GALNT13: variants seen among roughly 807,000 people sequenced by gnomAD.
GALNT13 encodes the protein polypeptide N-acetylgalactosaminyltransferase 13, also known as UDP-GalNAc:polypeptide N-acetylgalactosaminyltransferase 13.
A neutral mutation model predicts 64.2 loss-of-function variants in GALNT13; 28 were observed. That is an observed-to-expected ratio of 0.44 (90% CI 0.32 to 0.60). The LOEUF (loss-of-function observed/expected upper bound fraction) is 0.60, where lower values mean the gene tolerates loss of function less well. GALNT13 is among the 20% of genes least tolerant of loss of function. The pLI, the probability that GALNT13 is intolerant of heterozygous loss-of-function variation, is 0.05. For missense variants in GALNT13, 577 were observed against 669.8 expected, an observed-to-expected ratio of 0.86 and a Z score of 1.53; for synonymous variants, 214 against 224.6, an observed-to-expected ratio of 0.95 and a Z score of 0.42.
the GALNT13 span, among the ~76,000 whole-genome samples, chr2:153,271,387 A>T: frequency 1.8e-3 from 273 of 152,302 alleles, no homozygotes; most frequent in Middle Eastern, 6.8e-3. Context: ...TCACAGCCTC[A>T]AATCTCCTTA....
chr2:154,394,547 C>A (rs1698968426), intron 9 of GALNT13, among the ~76,000 whole-genome samples: 1 of 152,032 alleles, frequency 6.6e-6, no homozygotes. Context: ...GTTTTGCCTC[C>A]CCACCAGGCA....
At chr2:153,615,025 T>C in the GALNT13 span, among the ~76,000 whole-genome samples, 1 of 152,168 alleles carries the variant, frequency 6.6e-6, no homozygotes, top group South Asian at 2.1e-4. Context: ...GCAACACCTT[T>C]TCACCATCAA....
chr2:153,377,428 T>C, the GALNT13 span, among the ~76,000 whole-genome samples: 1 of 152,094 alleles, frequency 6.6e-6, no homozygotes, highest in Admixed American at 6.6e-5. Context: ...AGAGGTGTTT[T>C]GGTCATGAGG....
At chr2:154,080,586 G>A (rs1463634637) in intron 3 of GALNT13, among the ~76,000 whole-genome samples, 2 of 151,310 alleles carry the variant, frequency 1.3e-5, no homozygotes, top group African/African-American at 4.8e-5. Flanking sequence ...GGAAGAGCGT[G>A]CACTTGATTT....
At chr2:154,118,080 G>A (rs1393716936) in intron 3 of GALNT13, among the ~76,000 whole-genome samples, 1 of 152,064 alleles carries the variant, frequency 6.6e-6, no homozygotes, top group Non-Finnish European at 1.5e-5. Flanking sequence ...TTAATTTTCT[G>A]TTTATAAGTA....
intron 3 of GALNT13, among the ~76,000 whole-genome samples, chr2:153,963,731 CTGTGTGTGTGTGTGTGTGTGTGTGTG>C (rs58455059): frequency 1.1e-4 from 11 of 100,852 alleles, no homozygotes; most frequent in African/African-American, 3.2e-4. Flanking sequence ...CTCTCTCTCT[CTGTGTGTGTGTGTGTGTGTGTGTGTG>C]TGTGTGTGTG....
chr2:153,629,674 G>GC, the GALNT13 span, among the ~76,000 whole-genome samples: 1 of 151,940 alleles, frequency 6.6e-6, no homozygotes, highest in African/African-American at 2.4e-5. Context: ...AAGAGCTTCT[G>GC]CACAGCAAAA....
At chr2:153,418,257 C>T in the GALNT13 span, among the ~76,000 whole-genome samples, 1 of 152,154 alleles carries the variant, frequency 6.6e-6, no homozygotes, top group Admixed American at 6.5e-5. Flanking sequence ...CCTCTAGAAG[C>T]TGCAAAAGAC....
chr2:153,435,869 A>G, the GALNT13 span, among the ~76,000 whole-genome samples: 1 of 152,082 alleles, frequency 6.6e-6, no homozygotes, highest in African/African-American at 2.4e-5. Context: ...ACTATGTTGA[A>G]TAGGAGTGGT....
At chr2:153,799,727 G>T in the GALNT13 span, among the ~76,000 whole-genome samples, 1 of 152,100 alleles carries the variant, frequency 6.6e-6, no homozygotes, top group East Asian at 1.9e-4. Context: ...CCTATTAAAT[G>T]TGAGAAAACA....
chr2:153,725,297 G>C, the GALNT13 span, among the ~76,000 whole-genome samples: 1 of 151,088 alleles, frequency 6.6e-6, no homozygotes, highest in Non-Finnish European at 1.5e-5. Context: ...CACACTCTGG[G>C]GACTGTGGTG....
the GALNT13 span, among the ~76,000 whole-genome samples, chr2:153,272,744 G>A: frequency 1.3e-5 from 2 of 152,144 alleles, no homozygotes; most frequent in African/African-American, 4.8e-5. Context: ...AATACCATTT[G>A]ACCCCACAAG....
chr2:153,567,836 T>A, the GALNT13 span, among the ~76,000 whole-genome samples: 1 of 152,386 alleles, frequency 6.6e-6, no homozygotes. Flanking sequence ...GGTACTAATG[T>A]TATCAAACCA....
At chr2:153,148,110 AAG>A in the GALNT13 span, among the ~76,000 whole-genome samples, 14 of 152,040 alleles carry the variant, frequency 9.2e-5, no homozygotes, top group African/African-American at 3.4e-4. Context: ...ACTCTAATAA[AAG>A]AAAAGCCGCT....
At chr2:153,133,882 C>T in the GALNT13 span, among the ~76,000 whole-genome samples, 1 of 152,162 alleles carries the variant, frequency 6.6e-6, no homozygotes. Context: ...TTTCTTTCTT[C>T]AGACAGCAGC....
the GALNT13 span, among the ~76,000 whole-genome samples, chr2:153,448,790 A>G: frequency 6.6e-6 from 1 of 152,168 alleles, no homozygotes; most frequent in Non-Finnish European, 1.5e-5. Flanking sequence ...GTTCAGTCAA[A>G]GGCAGTGCCA....
the GALNT13 span, among the ~76,000 whole-genome samples, chr2:153,251,389 C>T: frequency 6.6e-6 from 1 of 152,078 alleles, no homozygotes; most frequent in Non-Finnish European, 1.5e-5. Flanking sequence ...AGACAATTGT[C>T]GTCTTGTTTT....
chr2:153,801,965 A>G, the GALNT13 span, among the ~76,000 whole-genome samples: 1 of 152,048 alleles, frequency 6.6e-6, no homozygotes, highest in African/African-American at 2.4e-5. Context: ...TAAGTTTCTC[A>G]TTAATATTCT....
chr2:154,338,550 C>T (rs1033351416), intron 9 of GALNT13, among the ~76,000 whole-genome samples: 3 of 152,126 alleles, frequency 2.0e-5, no homozygotes, highest in Non-Finnish European at 2.9e-5. Flanking sequence ...AGGCATGACA[C>T]ACCATGCAGG....
Sources: allele counts gnomAD v4.1 joint callset (sites outside exome capture counted in the v4.1 genomes callset), GRCh38; gene constraint gnomAD v4.1.1; transcripts MANE v1.5; gene names NCBI Gene and HGNC (gene_info 2026-07-23, HGNC 2026-07-21).